Variants in PACS1 observed in about 807,000 individuals in gnomAD.
The protein encoded by PACS1 is phosphofurin acidic cluster sorting protein 1.
Under a neutral mutation model 115.0 loss-of-function variants are expected in PACS1, and 24 were observed. The observed-to-expected ratio is 0.21, with a 90% CI of 0.15 to 0.29. The LOEUF (loss-of-function observed/expected upper bound fraction) is 0.29. PACS1 is among the 10% of genes least tolerant of loss of function. The pLI, the probability that PACS1 is intolerant of heterozygous loss-of-function variation, is 1.00. For missense variants in PACS1, 838 were observed against 1,251.2 expected (o/e 0.67, Z 4.98); for synonymous variants, 453 against 504.5 (o/e 0.90, Z 1.37).
intron 1 of PACS1, among the ~76,000 whole-genome samples, chr11:66,134,088 C>G (rs1858770184): frequency 6.6e-6 from 1 of 151,880 alleles, no homozygotes; most frequent in South Asian, 2.1e-4. Flanking sequence ...TGTCATTGTT[C>G]CAGGTTCCTC....
At chr11:66,158,728 G>A (rs1450477168) in intron 1 of PACS1, among the ~76,000 whole-genome samples, 1 of 152,078 alleles carries the variant, frequency 6.6e-6, no homozygotes, top group Non-Finnish European at 1.5e-5. Flanking sequence ...TAGACAATAA[G>A]TGGAAGAAAA....
At chr11:66,071,143 C>A (rs1857303035) in intron 1 of PACS1, among the ~76,000 whole-genome samples, 1 of 152,160 alleles carries the variant, frequency 6.6e-6, no homozygotes, top group Non-Finnish European at 1.5e-5. Context: ...CAGTCAGTTT[C>A]CCTGAGTAAG....
At chr11:66,201,009 A>T (rs867941804) in intron 2 of PACS1, among the ~76,000 whole-genome samples, 7 of 152,082 alleles carry the variant, frequency 4.6e-5, no homozygotes, top group Admixed American at 2.0e-4. Flanking sequence ...TCATGAGATC[A>T]GGAGATCCAT....
rs1323316350 is a variant in PACS1, at chr11:66,236,469, A to G, written c.2250+529A>G. On this transcript the variant is annotated intron_variant, in intron 19 of 23. Coordinates refer to ENST00000320580, the MANE Select transcript of PACS1 (RefSeq NM_018026.4). This position sits in a 1 kb window ranked among gnomAD's most constrained non-coding sequence, Gnocchi z 4.2. Reference sequence around the variant, plus strand: ...TTCTGTCTTCATGGTTGGATAGGCCACTGAGAGGAAGGCTTTCTTCTTTCC... The same window carrying G: ...TTCTGTCTTCATGGTTGGATAGGCCGCTGAGAGGAAGGCTTTCTTCTTTCC... Among the ~76,000 whole-genome samples the G allele has an allele frequency of 6.6e-6, 1 of 152,246 alleles. No individual in the cohort carries two copies. The highest frequency in any genetic ancestry group is 2.4e-5 in the African/African-American group (1 of 41,464).
intron 1 of PACS1, among the ~76,000 whole-genome samples, chr11:66,180,849 T>C (rs1203947184): frequency 2.0e-5 from 3 of 152,012 alleles, no homozygotes; most frequent in African/African-American, 7.2e-5. Flanking sequence ...TGTAGAAATG[T>C]GGTTTCACCA....
intron 11 of PACS1, among the ~76,000 whole-genome samples, chr11:66,229,636 G>A (rs1855541327): frequency 6.6e-6 from 1 of 151,966 alleles, no homozygotes; most frequent in Non-Finnish European, 1.5e-5. Context: ...CCGAGATCGC[G>A]CCACTGCACT....
At chr11:66,152,243 C>T (rs1308980499) in intron 1 of PACS1, among the ~76,000 whole-genome samples, 1 of 152,108 alleles carries the variant, frequency 6.6e-6, no homozygotes, top group East Asian at 1.9e-4. Flanking sequence ...AAAAAAAGTT[C>T]ACTAGATGTG....
chr11:66,077,486 T>C (rs1857416983), intron 1 of PACS1, among the ~76,000 whole-genome samples: 2 of 152,110 alleles, frequency 1.3e-5, no homozygotes, highest in African/African-American at 4.8e-5. Flanking sequence ...ACTTGAGCTC[T>C]GGAGGTCGAG....
intron 1 of PACS1, among the ~76,000 whole-genome samples, chr11:66,090,271 CTTTTTTTTTTTT>C (rs930565654): frequency 9.1e-6 from 1 of 109,444 alleles, no homozygotes; most frequent in South Asian, 3.0e-4. Context: ...TCTTTCCTTT[CTTTTTTTTTTTT>C]TTTTTTTCAG....
In PACS1 at chr11:66,227,287, G is replaced by C. The variant is rs139872880; in HGVS notation, c.1294-217G>C. 7.5e-4 allele frequency among the ~76,000 whole-genome samples: 114 copies of C among 152,210 alleles called. 2 individuals are homozygous for C. The South Asian group carries it at 0.023, about 31-fold the overall frequency. The stretch of plus-strand genomic sequence containing the variant: ...CAGAATTTCTGGGTTCTGAATCTCC[G>C]TGTTATTGACTTGATGACAAAGATA... On this transcript the variant is annotated intron_variant, in intron 10 of 23. Transcript: ENST00000320580.
intron 1 of PACS1, among the ~76,000 whole-genome samples, chr11:66,075,494 A>C (rs925060808): frequency 6.6e-6 from 1 of 152,138 alleles, no homozygotes; most frequent in Non-Finnish European, 1.5e-5. Flanking sequence ...CTCCCGCCTC[A>C]GTCTCTCGAA....
intron 1 of PACS1, among the ~76,000 whole-genome samples, chr11:66,160,899 G>A (rs1859473630): frequency 6.6e-6 from 1 of 151,998 alleles, no homozygotes; most frequent in Non-Finnish European, 1.5e-5. Flanking sequence ...ATCCTCAGAG[G>A]CAGTCTTGCT....
chr11:66,149,090 C>CT lies in PACS1; in HGVS notation c.357-44374dup, dbSNP rs10717909. Reference sequence around the variant, plus strand: ...GTGAGCATGTGCACATGCACACGCACTTTTTTTTTTTTTTTTTTTTTTGAG... The same window carrying CT: ...GTGAGCATGTGCACATGCACACGCACTTTTTTTTTTTTTTTTTTTTTTTGAG... On this transcript the variant is annotated intron_variant, in intron 1 of 23. Transcript: ENST00000320580. Among the ~76,000 whole-genome samples the CT allele has an allele frequency of 5.0e-3, 495 of 98,074 alleles. 4 individuals are homozygous for CT. Among genetic ancestry groups the CT allele is most frequent in the African/African-American group, 5.8e-3 (147 of 25,316 alleles). The allele number at this position is 98,074 out of a possible 152,430, so 64.3% of individuals were successfully genotyped here. A position where few individuals can be genotyped will look rare whatever the true frequency, so the allele number is the denominator to read the frequency against.
At chr11:66,076,204 A>G (rs891231597) in intron 1 of PACS1, among the ~76,000 whole-genome samples, 1 of 152,194 alleles carries the variant, frequency 6.6e-6, no homozygotes, top group African/African-American at 2.4e-5. Context: ...TCCATTTTAC[A>G]TGTATTGATT....
chr11:66,113,886 A>G (rs1010068091), intron 1 of PACS1, among the ~76,000 whole-genome samples: 3 of 152,302 alleles, frequency 2.0e-5, no homozygotes, highest in Admixed American at 1.3e-4. Flanking sequence ...TGCAAGTGAT[A>G]TATGACCACA....
At chr11:66,187,946 C>T (rs193109826) in intron 1 of PACS1, among the ~76,000 whole-genome samples, 36 of 152,238 alleles carry the variant, frequency 2.4e-4, no homozygotes, top group African/African-American at 6.7e-4. Context: ...TAGAAGAGTT[C>T]GCTTTTCTCT....
Position 66,233,733 on chromosome 11 carries a change from G to A in PACS1, c.1839-52G>A. The A allele has an allele frequency of 1.9e-6, 3 of 1,544,768 alleles. No homozygotes were observed. The highest frequency in any genetic ancestry group is 2.6e-6 in the Non-Finnish European group (3 of 1,143,474). On this transcript the variant is annotated intron_variant, in intron 15 of 23. Transcript: ENST00000320580. This position sits in a 1 kb window ranked among gnomAD's most constrained non-coding sequence, Gnocchi z 4.5. ...AAAGTCAGCTCTGGGCCTCCCCCGG[G>A]CAGGATCCTGGCACCCCTGAGCACT...
At chr11:66,143,048 A>G (rs1485818951) in intron 1 of PACS1, among the ~76,000 whole-genome samples, 2 of 151,924 alleles carry the variant, frequency 1.3e-5, no homozygotes, top group African/African-American at 2.4e-5. Flanking sequence ...GAAAGAGGCT[A>G]TTTTTCCTGA....
At position 66,235,348 on chromosome 11, in the gene PACS1, G is replaced by T. The variant is rs751154042; in HGVS notation, c.2152G>T (p.Ala718Ser). Residue 718 changes from alanine (A) to serine (S), a missense_variant, in exon 18 of 24, where the codon GCC (alanine) becomes TCC (serine). Physicochemically the swap from Ala to Ser is moderately conservative, Grantham distance 99 (BLOSUM62 1). Coordinates refer to ENST00000320580, the MANE Select transcript of PACS1 (RefSeq NM_018026.4). The surrounding 1 kb of genome is among the most constrained non-coding windows in gnomAD (Gnocchi z 5.6). ...GRVMQYVNGA[A>S]TTHQLPVAEA... Reference sequence around the variant, plus strand: ...GGTGATGCAGTACGTCAACGGGGCAGCCACGACACACCAGCTTCCCGTGGC... The same window carrying T: ...GGTGATGCAGTACGTCAACGGGGCATCCACGACACACCAGCTTCCCGTGGC... 2 of 1,614,088 alleles carry T rather than the reference G, an allele frequency of 1.2e-6. No individual in the cohort carries two copies. Among genetic ancestry groups the T allele is most frequent in the Admixed American group, 3.3e-5 (2 of 60,010 alleles).
Sources: allele counts gnomAD v4.1 joint callset (sites outside exome capture counted in the v4.1 genomes callset), GRCh38; gene constraint gnomAD v4.1.1; non-coding constraint Gnocchi (gnomAD v3.1); transcripts MANE v1.5; gene names NCBI Gene and HGNC (gene_info 2026-07-23, HGNC 2026-07-21).